GRTP1: variants seen among roughly 807,000 people sequenced by gnomAD.
GRTP1 encodes growth hormone-regulated TBC protein 1.
Under a neutral mutation model 38.1 loss-of-function variants are expected in GRTP1, and 56 were observed. The ratio of observed to expected loss-of-function variants is 1.47; its 90% CI spans 1.19 to 1.84. The LOEUF is 1.84. Among genes scored for constraint, GRTP1 ranks in the 40% most tolerant of loss-of-function variants. GRTP1 has a pLI of 0.00. For missense variants in GRTP1, 506 were observed against 453.9 expected, an observed-to-expected ratio of 1.11 and a Z score of -1.04; for synonymous variants, 217 against 189.5, an observed-to-expected ratio of 1.14 and a Z score of -1.19.
intron 7 of GRTP1, chr13:113,324,861 CTG>C (rs1434372040): frequency 1.2e-5 from 13 of 1,071,446 alleles, no homozygotes; most frequent in African/African-American, 1.7e-5. Flanking sequence ...GAGTCTCACT[CTG>C]TTGCCCAGGC....
At chr13:113,328,609 T>A (rs182213428) in intron 5 of GRTP1, among the ~76,000 whole-genome samples, 1 of 152,326 alleles carries the variant, frequency 6.6e-6, no homozygotes, top group Non-Finnish European at 1.5e-5. Context: ...AGCCTCAACC[T>A]CCTGGGCTCA....
At chr13:113,330,185 A>G (rs1438537987) in intron 5 of GRTP1, among the ~76,000 whole-genome samples, 1 of 146,576 alleles carries the variant, frequency 6.8e-6, no homozygotes, top group African/African-American at 2.6e-5. Context: ...AGGTGCGTGG[A>G]TGGAAACCCA....
Position 113,330,710 on chromosome 13 carries a change from A to G in GRTP1, c.563-4619T>C, listed in dbSNP as rs1256313778. On this transcript the variant is annotated intron_variant, in intron 5 of 7. Transcript: ENST00000375431. ...TGGGAGCCCAGGTGTGTGCATGGAA[A>G]CCCGGGTGTGTGCATGGAAACCCAG... is the stretch of plus-strand genomic sequence containing the variant. Among the ~76,000 whole-genome samples, 9 of 67,378 alleles carry G rather than the reference A, an allele frequency of 1.3e-4. 1 individual carries two copies. Among genetic ancestry groups the G allele is most frequent in the Non-Finnish European group, 2.4e-4 (8 of 33,526 alleles). The allele number at this position is 67,378 out of a possible 152,430, so 44.2% of individuals were successfully genotyped here. A position where few individuals can be genotyped will look rare whatever the true frequency, so the allele number is the denominator to read the frequency against.
chr13:113,341,356 C>T lies in GRTP1; in HGVS notation c.562+3507G>A, dbSNP rs567635081. On this transcript the variant is annotated intron_variant, in intron 5 of 7. Coordinates refer to ENST00000375431, the MANE Select transcript of GRTP1 (RefSeq NM_024719.4). ...ATCTCGGCTTTCTGCAACCTCTGTC[C>T]CCTGGGTTCAAGCAATTCTCCTGCT... Among the ~76,000 whole-genome samples the T allele has an allele frequency of 4.6e-5, 7 of 150,924 alleles. No homozygotes were observed. In the East Asian group the frequency reaches 9.8e-4, roughly 21 times the overall value.
At chr13:113,327,368 CAA>C (rs1245801856) in intron 5 of GRTP1, among the ~76,000 whole-genome samples, 1 of 152,176 alleles carries the variant, frequency 6.6e-6, no homozygotes, top group African/African-American at 2.4e-5. Context: ...TCAGTAGAGA[CAA>C]AGTTTCACCA....
At chr13:113,325,542 G>T in intron 7 of GRTP1, 119 bp downstream of exon 7, 4 of 1,565,570 alleles carry the variant, frequency 2.6e-6, no homozygotes, top group Non-Finnish European at 3.5e-6. Flanking sequence ...GGCTCATCCT[G>T]TGCCCTATGC....
In GRTP1 at chr13:113,347,878, C is replaced by A. The variant is rs111718611; in HGVS notation, c.466-2919G>T. ...GCCAAGAACAGATCCGGGAGGACCT[C>A]TGAAGCCGAGAGCAGACCCGGGAGG... is the stretch of plus-strand genomic sequence containing the variant. On this transcript the variant is annotated intron_variant, in intron 4 of 7. Coordinates refer to ENST00000375431, the MANE Select transcript of GRTP1 (RefSeq NM_024719.4). 8.6e-3 allele frequency among the ~76,000 whole-genome samples: 1,245 copies of A among 145,386 alleles called. 14 individuals are homozygous for A. The highest frequency in any genetic ancestry group is 0.033 in the East Asian group (162 of 4,936).
chr13:113,362,756 C>T (rs1241020925), intron 2 of GRTP1, among the ~76,000 whole-genome samples: 22 of 152,152 alleles, frequency 1.4e-4, no homozygotes, highest in Admixed American at 1.4e-3. Context: ...CCCCTGGTTT[C>T]ATCTCTGTCC....
intron 5 of GRTP1, among the ~76,000 whole-genome samples, chr13:113,336,405 GTCC>G (rs1298066120): frequency 1.3e-5 from 2 of 151,066 alleles, no homozygotes; most frequent in Non-Finnish European, 2.9e-5. Flanking sequence ...TCAGTCCCAA[GTCC>G]TCCTCTGAAA....
At chr13:113,333,833 TATTTA>T (rs1219301802) in intron 5 of GRTP1, among the ~76,000 whole-genome samples, 34 of 102,018 alleles carry the variant, frequency 3.3e-4, no homozygotes, top group African/African-American at 1.4e-3. Flanking sequence ...TTTATTTATT[TATTTA>T]GTGTGTGTGT....
Position 113,349,327 on chromosome 13 carries a change from C to T in GRTP1, c.465+1522G>A, listed in dbSNP as rs1242986788. 6.6e-6 allele frequency among the ~76,000 whole-genome samples: 1 copy of T among 151,514 alleles called. No individual in the cohort carries two copies. The highest frequency in any genetic ancestry group is 1.5e-5 in the Non-Finnish European group (1 of 67,966). On this transcript the variant is annotated intron_variant, in intron 4 of 7. Transcript: ENST00000375431. The surrounding 1 kb of genome is among the most constrained non-coding windows in gnomAD (Gnocchi z 5.0). Reference sequence around the variant, plus strand: ...CCTCAGCCCCTCGAGCAGCCGGGACCACAGGCGTGTGCCACCACACCCCGC... The same window carrying T: ...CCTCAGCCCCTCGAGCAGCCGGGACTACAGGCGTGTGCCACCACACCCCGC...
chr13:113,346,108 A>G (rs61966592), intron 4 of GRTP1, among the ~76,000 whole-genome samples: 1,529 of 43,530 alleles, frequency 0.035, 265 homozygotes, highest in African/African-American at 0.057. Flanking sequence ...GTGGCCGAGA[A>G]CAGACCCGGG....
intron 5 of GRTP1, among the ~76,000 whole-genome samples, chr13:113,334,298 T>C (rs9577235): frequency 6.3e-3 from 87 of 13,866 alleles, no homozygotes; most frequent in South Asian, 0.024. Flanking sequence ...CCGCCCACCC[T>C]GCACTGCTAC....
chr13:113,332,607 C>T (rs913707117), intron 5 of GRTP1, among the ~76,000 whole-genome samples: 113 of 152,226 alleles, frequency 7.4e-4, no homozygotes, highest in Admixed American at 5.2e-4. Context: ...TCCCACCCGA[C>T]GGTCTTCAAG....
At chr13:113,350,744 T>C (rs1203134964) in intron 4 of GRTP1, 105 bp downstream of exon 4, 3 of 1,101,890 alleles carry the variant, frequency 2.7e-6, no homozygotes, top group Non-Finnish European at 3.8e-6. Flanking sequence ...GTGGAATTCA[T>C]GAACAGGGTT....
intron 5 of GRTP1, 55 bp downstream of exon 5, chr13:113,344,808 T>C: frequency 6.6e-7 from 1 of 1,523,538 alleles, no homozygotes; most frequent in East Asian, 2.4e-5. Context: ...CGGAATCATT[T>C]TGGCAGCACC....
In GRTP1 at chr13:113,349,354, A is replaced by T. The variant is rs1015265039; in HGVS notation, c.465+1495T>A. On this transcript the variant is annotated intron_variant, in intron 4 of 7. Coordinates refer to ENST00000375431, the MANE Select transcript of GRTP1 (RefSeq NM_024719.4). This position sits in a 1 kb window ranked among gnomAD's most constrained non-coding sequence, Gnocchi z 5.0. ...CAGGCGTGTGCCACCACACCCCGCT[A>T]ATTTTTAAAAATATTTTGTAGAGAT... 6.0e-5 allele frequency among the ~76,000 whole-genome samples: 9 copies of T among 149,468 alleles called. No homozygotes were observed. Among genetic ancestry groups the T allele is most frequent in the African/African-American group, 2.2e-4 (9 of 40,260 alleles).
At chr13:113,359,235 CAA>C (rs2043450090) in intron 2 of GRTP1, among the ~76,000 whole-genome samples, 1 of 152,170 alleles carries the variant, frequency 6.6e-6, no homozygotes, top group African/African-American at 2.4e-5. Context: ...GGGCTGACTT[CAA>C]AGGACAGGAT....
chr13:113,329,451 A>ATG lies in GRTP1; in HGVS notation c.563-3361_563-3360insCA, dbSNP rs572387705. ...AAATTAGCTGGGCGTGGTGGCCAGC[A>ATG]CCTGTAATCCCAGCTACTCAGCTAC... On this transcript the variant is annotated intron_variant, in intron 5 of 7. Transcript: ENST00000375431. Among the ~76,000 whole-genome samples the ATG allele has an allele frequency of 3.3e-3, 508 of 152,210 alleles. 2 individuals carry two copies. Among genetic ancestry groups the ATG allele is most frequent in the African/African-American group, 0.012 (492 of 41,546 alleles).
Sources: allele counts gnomAD v4.1 joint callset (sites outside exome capture counted in the v4.1 genomes callset), GRCh38; gene constraint gnomAD v4.1.1; non-coding constraint Gnocchi (gnomAD v3.1); transcripts MANE v1.5; gene names NCBI Gene and HGNC (gene_info 2026-07-23, HGNC 2026-07-21).